RAPGEF1: variants seen among roughly 807,000 people sequenced by gnomAD.
The protein encoded by RAPGEF1 is CRK SH3-binding GNRP.
In RAPGEF1, 33 loss-of-function variants were observed where a neutral mutation model predicts 143.3. The ratio of observed to expected loss-of-function variants is 0.23; its 90% CI spans 0.17 to 0.31. The LOEUF (loss-of-function observed/expected upper bound fraction) is 0.31. Ranked by LOEUF, RAPGEF1 falls within the 10% of genes least tolerant of loss-of-function variation. RAPGEF1 has a pLI of 1.00. For missense variants in RAPGEF1, 1,199 were observed against 1,645.4 expected (o/e 0.73, Z 4.69); for synonymous variants, 629 against 676.5 (o/e 0.93, Z 1.09).
chr9:131,591,597 G>A, intron 18 of RAPGEF1, among the ~76,000 whole-genome samples: 1 of 152,190 alleles, frequency 6.6e-6, no homozygotes, highest in East Asian at 1.9e-4. Flanking sequence ...TCCAGTTGTG[G>A]ATGTGGCAGT....
intron 10 of RAPGEF1, 34 bp downstream of exon 10, chr9:131,625,888 T>C (rs1962860732): frequency 2.0e-6 from 3 of 1,516,204 alleles, no homozygotes; most frequent in East Asian, 2.3e-5. Context: ...GGTTATAAAA[T>C]GCACTTCCTG....
In RAPGEF1 at chr9:131,628,204, C is replaced by T. The variant is rs1003150662; in HGVS notation, c.1018-108G>A. 27 of 1,095,546 alleles carry T rather than the reference C, an allele frequency of 2.5e-5. No homozygotes were observed. The East Asian group carries it at 5.0e-4, about 20-fold the overall frequency. The allele number at this position is 1,095,546 out of a possible 1,614,324, so 67.9% of individuals were successfully genotyped here. A position where few individuals can be genotyped will look rare whatever the true frequency, so the allele number is the denominator to read the frequency against. On this transcript the variant is annotated intron_variant, in intron 8 of 26. Transcript: ENST00000683357. The surrounding 1 kb of genome is among the most constrained non-coding windows in gnomAD (Gnocchi z 5.7). ...ACTTAGAGAAGGAAATACTGCCAGG[C>T]GAACTCAGAAACCACCTCTGACGTC... is the stretch of plus-strand genomic sequence containing the variant.
At chr9:131,652,248 T>G (rs912254279) in intron 1 of RAPGEF1, among the ~76,000 whole-genome samples, 2 of 151,832 alleles carry the variant, frequency 1.3e-5, no homozygotes, top group Admixed American at 6.6e-5. Context: ...AAAAAAAACA[T>G]TTTTATTCTT....
rs148133973 is a variant in RAPGEF1, at chr9:131,655,283, G to C, written c.62-4334C>G. Among the ~76,000 whole-genome samples, 240 of 152,352 alleles carry C rather than the reference G, an allele frequency of 1.6e-3. No homozygotes were observed. The highest frequency in any genetic ancestry group is 5.6e-3 in the African/African-American group (232 of 41,580). On this transcript the variant is annotated intron_variant, in intron 1 of 26. Transcript: ENST00000683357. This position sits in a 1 kb window ranked among gnomAD's most constrained non-coding sequence, Gnocchi z 4.1. ...AAACCAAACAGCTTCACAGCTGTGT[G>C]ATGGCCAGAGCTGCAGAAAGCCCTT... is the stretch of plus-strand genomic sequence containing the variant.
intron 1 of RAPGEF1, among the ~76,000 whole-genome samples, chr9:131,656,447 T>C (rs1347424834): frequency 6.6e-6 from 1 of 152,176 alleles, no homozygotes; most frequent in African/African-American, 2.4e-5. Flanking sequence ...CCAAGTCAGA[T>C]GGGCTGTCAG....
At chr9:131,686,298 C>T (rs1422082540) in intron 1 of RAPGEF1, among the ~76,000 whole-genome samples, 5 of 152,284 alleles carry the variant, frequency 3.3e-5, no homozygotes, top group Admixed American at 2.0e-4. Context: ...AAAAACAGAC[C>T]GCCAACTGGA....
chr9:131,592,014 C>T (rs1005564158), intron 18 of RAPGEF1, 85 bp downstream of exon 18: 81 of 1,062,406 alleles, frequency 7.6e-5, no homozygotes, highest in Non-Finnish European at 1.1e-4. Flanking sequence ...CTCGGCTTCC[C>T]CCACGAGGAC....
At chr9:131,715,523 A>T (rs1315012926) in intron 1 of RAPGEF1, among the ~76,000 whole-genome samples, 1 of 152,004 alleles carries the variant, frequency 6.6e-6, no homozygotes, top group African/African-American at 2.4e-5. Flanking sequence ...TTCTTCTGGG[A>T]AGAGAGGTCT....
chr9:131,716,106 G>A (rs1021151736), intron 1 of RAPGEF1, among the ~76,000 whole-genome samples: 66 of 152,260 alleles, frequency 4.3e-4, no homozygotes, highest in African/African-American at 1.5e-3. Flanking sequence ...GATCCCACAC[G>A]AGGCTGCTTC....
chr9:131,666,926 G>A (rs76875424), intron 1 of RAPGEF1, among the ~76,000 whole-genome samples: 5,432 of 152,244 alleles, frequency 0.036, 210 homozygotes, highest in East Asian at 0.089. Flanking sequence ...CCTTGGCCTG[G>A]TTGGATCTGC....
At position 131,628,426 on chromosome 9, in the gene RAPGEF1, A is replaced by G; in HGVS notation, c.1017+123T>C. On this transcript the variant is annotated intron_variant, in intron 8 of 26. Coordinates refer to ENST00000683357, the MANE Select transcript of RAPGEF1 (RefSeq NM_001377935.1). The surrounding 1 kb of genome is among the most constrained non-coding windows in gnomAD (Gnocchi z 5.7). ...GAGAGGGATGGGTACAAGGTCTCGC[A>G]CTCCTCGATGTGACAAACACCAGCG... The G allele has an allele frequency of 7.6e-7, 1 of 1,324,496 alleles. No homozygotes were observed. The highest frequency in any genetic ancestry group is 1.0e-6 in the Non-Finnish European group (1 of 970,954). 82.0% of individuals were successfully genotyped at this position (1,324,496 alleles called of 1,614,324 possible).
At chr9:131,724,468 G>A (rs887213774) in intron 1 of RAPGEF1, among the ~76,000 whole-genome samples, 14 of 152,126 alleles carry the variant, frequency 9.2e-5, no homozygotes, top group Non-Finnish European at 1.3e-4. Context: ...GGTGGCGGGC[G>A]CCTGTAGTCC....
At chr9:131,646,032 C>T (rs929388757) in intron 3 of RAPGEF1, among the ~76,000 whole-genome samples, 5 of 152,144 alleles carry the variant, frequency 3.3e-5, no homozygotes, top group African/African-American at 1.2e-4. Flanking sequence ...AGTAATAAAG[C>T]AGAGAAAGAG....
At chr9:131,674,011 C>A (rs1831848884) in intron 1 of RAPGEF1, among the ~76,000 whole-genome samples, 1 of 152,166 alleles carries the variant, frequency 6.6e-6, no homozygotes, top group African/African-American at 2.4e-5. Context: ...ATAAATGGGT[C>A]TCTAAACTCT....
At chr9:131,711,850 C>A (rs999208872) in intron 1 of RAPGEF1, among the ~76,000 whole-genome samples, 2 of 152,146 alleles carry the variant, frequency 1.3e-5, no homozygotes, top group Non-Finnish European at 2.9e-5. Flanking sequence ...ACCAGAGAGA[C>A]CAAGTTTAAG....
chr9:131,578,029 G>C lies in RAPGEF1; in HGVS notation c.*1468C>G, dbSNP rs1294455806. The C allele has an allele frequency of 6.6e-6, 1 of 152,196 alleles. No individual in the cohort carries two copies. Among genetic ancestry groups the C allele is most frequent in the Non-Finnish European group, 1.5e-5 (1 of 68,038 alleles). 9.4% of individuals were successfully genotyped at this position (152,196 alleles called of 1,614,324 possible). On this transcript the variant is annotated 3_prime_UTR_variant, in exon 27 of 27. Coordinates refer to ENST00000683357, the MANE Select transcript of RAPGEF1 (RefSeq NM_001377935.1). The stretch of plus-strand genomic sequence containing the variant: ...TTTTTCCTTTGTTCTGTTTGAACTG[G>C]GCTAAGTAAGCACAGTTAGACCCTG...
intron 12 of RAPGEF1, among the ~76,000 whole-genome samples, chr9:131,611,538 C>T (rs1958019025): frequency 6.6e-6 from 1 of 152,210 alleles, no homozygotes; most frequent in Non-Finnish European, 1.5e-5. Context: ...TCTTGCAAAA[C>T]CTCCAATACA....
intron 1 of RAPGEF1, among the ~76,000 whole-genome samples, chr9:131,661,478 C>T (rs578167062): frequency 5.5e-4 from 84 of 152,168 alleles, no homozygotes; most frequent in African/African-American, 1.9e-3. Flanking sequence ...TCTGAGGTGA[C>T]GGTTATGGCC....
At position 131,655,388 on chromosome 9, in the gene RAPGEF1, A is replaced by T. The variant is rs1421464614; in HGVS notation, c.62-4439T>A. 1.3e-5 allele frequency among the ~76,000 whole-genome samples: 2 copies of T among 152,240 alleles called. No individual in the cohort carries two copies. Among genetic ancestry groups the T allele is most frequent in the African/African-American group, 4.8e-5 (2 of 41,472 alleles). On this transcript the variant is annotated intron_variant, in intron 1 of 26. Coordinates refer to ENST00000683357, the MANE Select transcript of RAPGEF1 (RefSeq NM_001377935.1). The surrounding 1 kb of genome is among the most constrained non-coding windows in gnomAD (Gnocchi z 4.1). ...TCACCTGGAACAGCTCAACAGGGTC[A>T]GGAGGCTCTCAACACCAGCCCTCAT... is the stretch of plus-strand genomic sequence containing the variant.
Sources: allele counts gnomAD v4.1 joint callset (sites outside exome capture counted in the v4.1 genomes callset), GRCh38; gene constraint gnomAD v4.1.1; non-coding constraint Gnocchi (gnomAD v3.1); transcripts MANE v1.5; gene names NCBI Gene and HGNC (gene_info 2026-07-23, HGNC 2026-07-21).